The following TSG101 variants were observed in gnomAD, a reference collection of about 807,000 sequenced individuals.
TSG101 encodes tumor susceptibility gene 101 protein.
A neutral mutation model predicts 48.5 loss-of-function variants in TSG101; 19 were observed. That is an observed-to-expected ratio of 0.39 (90% CI 0.27 to 0.58). TSG101 has a LOEUF of 0.58. TSG101 is among the 20% of genes least tolerant of loss of function. TSG101 has a pLI of 0.55. For missense variants in TSG101, 365 were observed against 484.4 expected (o/e 0.75, Z 2.31); for synonymous variants, 174 against 169.4 (o/e 1.03, Z -0.21).
intron 1 of TSG101, among the ~76,000 whole-genome samples, chr11:18,526,237 T>C (rs938493166): frequency 6.6e-6 from 1 of 152,204 alleles, no homozygotes; most frequent in Admixed American, 6.5e-5. Flanking sequence ...TAGTTACTCT[T>C]AGAAAATCCC....
In TSG101 at chr11:18,506,870, G is replaced by C; in HGVS notation, c.535C>G (p.Pro179Ala). The change falls in exon 6 of 10, where the codon CCT becomes GCT. Residue 179 changes from proline to alanine, a missense_variant. Physicochemically the swap from Pro to Ala is conservative, Grantham distance 27. Transcript: ENST00000251968. ...GGISPYPSGY[P>A]PNPSGYPGCP... ...GTTTTTCATTACCTGGGATTGGGAG[G>C]GTATCCGGATGGGTATGGAGAGATT... is the stretch of plus-strand genomic sequence containing the variant. The C allele has an allele frequency of 6.3e-7, 1 of 1,596,816 alleles. No homozygotes were observed. The highest frequency in any genetic ancestry group is 8.5e-7 in the Non-Finnish European group (1 of 1,170,038).
intron 7 of TSG101, among the ~76,000 whole-genome samples, chr11:18,495,492 G>A (rs1157497633): frequency 1.3e-5 from 2 of 152,112 alleles, no homozygotes; most frequent in Non-Finnish European, 2.9e-5. Context: ...CAGGGGTGGT[G>A]GTTGTGGTAG....
intron 4 of TSG101, among the ~76,000 whole-genome samples, 181 bp from the exon 5 acceptor site, chr11:18,509,846 G>C (rs192708913): frequency 2.0e-5 from 3 of 152,136 alleles, no homozygotes; most frequent in African/African-American, 7.2e-5. Context: ...AACATGATGT[G>C]CAGCAAGGTT....
At chr11:18,514,230 T>C (rs1049659243) in intron 4 of TSG101, among the ~76,000 whole-genome samples, 1 of 152,140 alleles carries the variant, frequency 6.6e-6, no homozygotes, top group Non-Finnish European at 1.5e-5. Flanking sequence ...TTCCAACAGG[T>C]GTTGTTTGTA....
At chr11:18,525,529 G>A (rs1273609785) in intron 1 of TSG101, 2 of 261,808 alleles carry the variant, frequency 7.6e-6, no homozygotes, top group African/African-American at 3.0e-5. Flanking sequence ...CTGGGTGACA[G>A]AGCAAGACTC....
At chr11:18,496,428 C>T (rs1368589923) in intron 7 of TSG101, among the ~76,000 whole-genome samples, 6 of 118,306 alleles carry the variant, frequency 5.1e-5, no homozygotes, top group Admixed American at 1.8e-4. Flanking sequence ...GGTGGCAGAG[C>T]GAAACTCTGT....
intron 3 of TSG101, among the ~76,000 whole-genome samples, chr11:18,515,306 T>C (rs1850152747): frequency 6.6e-6 from 1 of 152,222 alleles, no homozygotes; most frequent in Non-Finnish European, 1.5e-5. Flanking sequence ...TATTCATCTT[T>C]GTAGCCACAG....
Position 18,525,669 on chromosome 11 carries a change from C to A in TSG101, c.42+1106G>T, listed in dbSNP as rs1850360376. 9.1e-6 allele frequency: 9 copies of A among 984,380 alleles called. No individual in the cohort carries two copies. In the South Asian group the frequency reaches 3.8e-4, roughly 41 times the overall value. 61.0% of individuals were successfully genotyped at this position (984,380 alleles called of 1,614,324 possible). ...ACAACATGGATCTTTACCTGGGTCA[C>A]AATCTTCTATGGCTTCCCATATGTC... is the stretch of plus-strand genomic sequence containing the variant. On this transcript the variant is annotated intron_variant, in intron 1 of 9. Transcript: ENST00000251968.
chr11:18,494,724 CAAACCT>C (rs1209012220), intron 7 of TSG101, among the ~76,000 whole-genome samples: 3 of 152,082 alleles, frequency 2.0e-5, no homozygotes, highest in Non-Finnish European at 4.4e-5. Context: ...AAGAGGCACC[CAAACCT>C]GCACACAAGC....
intron 7 of TSG101, among the ~76,000 whole-genome samples, chr11:18,494,065 TA>T (rs1565084990): frequency 6.6e-6 from 1 of 152,024 alleles, no homozygotes; most frequent in Non-Finnish European, 1.5e-5. Context: ...TTCTTGAAAA[TA>T]AACACACACC....
intron 4 of TSG101, among the ~76,000 whole-genome samples, chr11:18,510,236 C>T (rs1455252830): frequency 1.3e-5 from 2 of 150,966 alleles, no homozygotes; most frequent in Non-Finnish European, 3.0e-5. Context: ...GCTGGGCCAA[C>T]ATGGCAAAAT....
intron 7 of TSG101, among the ~76,000 whole-genome samples, chr11:18,484,653 CTGTT>C (rs1849592222): frequency 6.6e-6 from 1 of 152,226 alleles, no homozygotes; most frequent in Non-Finnish European, 1.5e-5. Flanking sequence ...AGCTGATAAA[CTGTT>C]TATTCCCAGA....
chr11:18,495,369 C>T (rs779849437), intron 7 of TSG101, among the ~76,000 whole-genome samples: 3 of 152,178 alleles, frequency 2.0e-5, no homozygotes, highest in Non-Finnish European at 4.4e-5. Flanking sequence ...CAACTACAAT[C>T]ATCTATATAG....
In TSG101 at chr11:18,480,628, C is replaced by A; in HGVS notation, c.1091G>T (p.Arg364Leu). ...IDLDVFLKHVRLLSRKQFQLR... is the reference protein window; with the variant it reads ...IDLDVFLKHVLLLSRKQFQLR... ...CTGGAACTGTTTACGGGACAGAAGACGTACATGCTGGGAGGGGAGAAAAGT... is the reference window on the plus strand; with the variant it reads ...CTGGAACTGTTTACGGGACAGAAGAAGTACATGCTGGGAGGGGAGAAAAGT... The change falls in exon 10 of 10, where the codon CGT (arginine) becomes CTT (leucine). Residue 364 changes from arginine (R) to leucine (L), a missense_variant. Coordinates refer to ENST00000251968, the MANE Select transcript of TSG101 (RefSeq NM_006292.4). The A allele has an allele frequency of 6.2e-7, 1 of 1,613,518 alleles. No homozygotes were observed. The highest frequency in any genetic ancestry group is 2.2e-5 in the East Asian group (1 of 44,866).
chr11:18,489,830 C>T (rs1250483070), intron 7 of TSG101, among the ~76,000 whole-genome samples: 1 of 152,192 alleles, frequency 6.6e-6, no homozygotes, highest in Non-Finnish European at 1.5e-5. Flanking sequence ...ATAATATAAT[C>T]TCTATAACCT....
intron 7 of TSG101, among the ~76,000 whole-genome samples, chr11:18,487,350 A>G (rs1849634508): frequency 6.6e-6 from 1 of 152,156 alleles, no homozygotes; most frequent in Non-Finnish European, 1.5e-5. Context: ...CCATAATTCA[A>G]TCTCCTGGAC....
intron 7 of TSG101, among the ~76,000 whole-genome samples, chr11:18,501,984 G>A (rs1450836141): frequency 1.3e-5 from 2 of 152,188 alleles, no homozygotes; most frequent in African/African-American, 4.8e-5. Context: ...GGTAGTGGGA[G>A]ATAGGCATAG....
At chr11:18,484,122 T>C in intron 7 of TSG101, 50 bp from the exon 8 acceptor site, 1 of 1,593,472 alleles carries the variant, frequency 6.3e-7, no homozygotes, top group African/African-American at 1.3e-5. Context: ...AAGTTCCTTC[T>C]ATTTGTCTCA....
At chr11:18,481,396 C>G (rs147097471) in intron 9 of TSG101, 1 of 1,311,204 alleles carries the variant, frequency 7.6e-7, no homozygotes, top group Admixed American at 3.6e-5. Context: ...CTTAATGCTG[C>G]CTGTGGGCAG....
Sources: allele counts gnomAD v4.1 joint callset (sites outside exome capture counted in the v4.1 genomes callset), GRCh38; gene constraint gnomAD v4.1.1; transcripts MANE v1.5; gene names NCBI Gene and HGNC (gene_info 2026-07-23, HGNC 2026-07-21).